Variants in ZKSCAN7 observed in about 807,000 individuals in gnomAD.
The protein encoded by ZKSCAN7 is zinc finger with KRAB and SCAN domains 7.
ZKSCAN7 carries 38 observed loss-of-function variants against 65.3 expected under a neutral mutation model. That is an observed-to-expected ratio of 0.58 (90% CI 0.45 to 0.76). The LOEUF (loss-of-function observed/expected upper bound fraction) is 0.76, where lower values mean the gene tolerates loss of function less well. Among genes scored for constraint, ZKSCAN7 ranks in the 30% least tolerant of loss-of-function variants. ZKSCAN7 has a pLI of 0.00. For missense variants in ZKSCAN7, 815 were observed against 913.3 expected (o/e 0.89, Z 1.39); for synonymous variants, 321 against 321.0 (o/e 1.00, Z 0.00).
Position 44,563,149 on chromosome 3 carries a change from C to T in ZKSCAN7, c.424-2338C>T, listed in dbSNP as rs147520374. Among the ~76,000 whole-genome samples, 234 of 152,180 alleles carry T rather than the reference C, an allele frequency of 1.5e-3. 2 individuals carry two copies. Among genetic ancestry groups the T allele is most frequent in the African/African-American group, 5.4e-3 (225 of 41,530 alleles). On this transcript the variant is annotated intron_variant, in intron 2 of 5. Transcript: ENST00000426540. ...TATGTTTTTCATCTCCATCTGAGAC[C>T]ACCTCAGCCTGGATTTCATTATCCA... is the stretch of plus-strand genomic sequence containing the variant.
chr3:44,575,077 G>A (rs541451787), downstream of ZKSCAN7, among the ~76,000 whole-genome samples: 56 of 152,320 alleles, frequency 3.7e-4, no homozygotes, highest in South Asian at 1.0e-3. Context: ...AGGATCACTT[G>A]AGGTCAGGAG....
At position 44,570,971 on chromosome 3, in the gene ZKSCAN7, T is replaced by G. The variant is rs544033067; in HGVS notation, c.1861T>G (p.Cys621Gly). 1.2e-6 allele frequency: 2 copies of G among 1,614,110 alleles called. No individual in the cohort carries two copies. Among genetic ancestry groups the G allele is most frequent in the South Asian group, 2.2e-5 (2 of 91,082 alleles). ...TGGTAAGGCATTTGGTCTGAGTAAATGTCTTATTCGGCACCAGAGACTTCA... is the reference window on the plus strand; with the variant it reads ...TGGTAAGGCATTTGGTCTGAGTAAAGGTCTTATTCGGCACCAGAGACTTCA... Reference protein sequence around the residue: ...ECGKAFGLSKCLIRHQRLHTG... With the variant: ...ECGKAFGLSKGLIRHQRLHTG... The change falls in exon 6 of 6, where the codon TGT (cysteine) becomes GGT (glycine). Residue 621 changes from cysteine to glycine, a missense_variant. Around this residue, in one of 3 missense-constraint regions of ZKSCAN7, gnomAD observed 578 missense variants for 629.5 expected, o/e 0.92. Transcript: ENST00000426540.
intron 5 of ZKSCAN7, chr3:44,580,246 C>T (rs1348645790): frequency 1.9e-6 from 3 of 1,612,596 alleles, no homozygotes; most frequent in Non-Finnish European, 1.7e-6. Context: ...TAGCTGCTCT[C>T]CCCCCGGACT....
intron 2 of ZKSCAN7, among the ~76,000 whole-genome samples, chr3:44,562,479 T>C (rs558032138): frequency 1.5e-4 from 23 of 152,262 alleles, no homozygotes; most frequent in South Asian, 4.1e-4. Flanking sequence ...TCTTTACTTA[T>C]TCAAATTTCT....
At position 44,571,682 on chromosome 3, in the gene ZKSCAN7, A is replaced by G. The variant is rs1469363749; in HGVS notation, c.*307A>G. 8.4e-7 allele frequency: 1 copy of G among 1,194,348 alleles called. No individual in the cohort carries two copies. Among genetic ancestry groups the G allele is most frequent in the African/African-American group, 1.6e-5 (1 of 63,828 alleles). The allele number at this position is 1,194,348 out of a possible 1,614,324, so 74.0% of individuals were successfully genotyped here. On this transcript the variant is annotated 3_prime_UTR_variant, in exon 6 of 6. Coordinates refer to ENST00000426540, the MANE Select transcript of ZKSCAN7 (RefSeq NM_001288590.2). ...CTCATAATCAGACTCCATGCTTTTT[A>G]AAGACAGAGATAATATCTTCTCTAT...
rs1357978650 is a variant in ZKSCAN7, at chr3:44,565,633, C to T, written c.570C>T (p.His190=). 1 of 1,604,810 alleles carries T rather than the reference C, an allele frequency of 6.2e-7. No individual in the cohort carries two copies. The highest frequency in any genetic ancestry group is 1.7e-5 in the Admixed American group (1 of 57,922). The stretch of plus-strand genomic sequence containing the variant: ...AGCCTCCTTATGACCCAGGGACACA[C>T]CACCTCCCCAGTGGGGACTTCGGTA... The part of the protein sequence containing the change: ...HLEPPYDPGT[H]HLPSGDFAQC... Residue 190 remains histidine (H), a synonymous_variant, in exon 3 of 6, where the codon CAC becomes CAT. Transcript: ENST00000426540.
At position 44,571,005 on chromosome 3, in the gene ZKSCAN7, A is replaced by C; in HGVS notation, c.1895A>C (p.Glu632Ala). The C allele has an allele frequency of 6.2e-7, 1 of 1,614,230 alleles. No homozygotes were observed. The highest frequency in any genetic ancestry group is 8.5e-7 in the Non-Finnish European group (1 of 1,180,040). The change falls in exon 6 of 6, where the codon GAA becomes GCA. Residue 632 changes from glutamate (E) to alanine (A), a missense_variant. Physicochemically the swap from Glu to Ala is moderately radical, Grantham distance 107. Transcript: ENST00000426540. ...CGGCACCAGAGACTTCACACGGGTGAAAAGCCCTATAAATGCAATGAGTGT... is the reference window on the plus strand; with the variant it reads ...CGGCACCAGAGACTTCACACGGGTGCAAAGCCCTATAAATGCAATGAGTGT... ...LIRHQRLHTG[E>A]KPYKCNECGK... is the part of the protein sequence containing the mutation.
chr3:44,557,284 C>T lies in ZKSCAN7; in HGVS notation c.237C>T (p.Cys79=). The T allele has an allele frequency of 6.2e-7, 1 of 1,614,274 alleles. No homozygotes were observed. The highest frequency in any genetic ancestry group is 8.5e-7 in the Non-Finnish European group (1 of 1,180,046). The part of the protein sequence containing the change: ...QEALSRLREL[C]RWWLMPEVHT... ...CATTGAGCCGGCTTCGGGAGCTCTG[C>T]CGCTGGTGGCTCATGCCAGAGGTGC... The change falls in exon 2 of 6, where the codon TGC becomes TGT. Residue 79 remains cysteine (C), a synonymous_variant. Transcript: ENST00000426540.
intron 4 of ZKSCAN7, 93 bp from the exon 5 acceptor site, chr3:44,568,214 A>C: frequency 3.2e-6 from 5 of 1,559,058 alleles, no homozygotes; most frequent in Non-Finnish European, 4.3e-6. Context: ...ACTTTTGCCC[A>C]TGAAGAGCCC....
rs1456168437 is a variant in ZKSCAN7 at position 44,572,146 on chromosome 3, T to C, written c.*771T>C. ...ACATACCAGTTGTTAAATAAATAAT[T>C]TTTAAAATCTCAGCTCTCACATTGA... On this transcript the variant is annotated 3_prime_UTR_variant, in exon 6 of 6. Coordinates refer to ENST00000426540, the MANE Select transcript of ZKSCAN7 (RefSeq NM_001288590.2). The C allele has an allele frequency of 1.0e-6, 1 of 985,284 alleles. No homozygotes were observed. The highest frequency in any genetic ancestry group is 1.2e-6 in the Non-Finnish European group (1 of 829,910). 61.0% of individuals were successfully genotyped at this position (985,284 alleles called of 1,614,324 possible).
chr3:44,570,742 C>T lies in ZKSCAN7; in HGVS notation c.1632C>T (p.Ile544=), dbSNP rs748871190. Reference sequence around the variant, plus strand: ...GAAATCTCATTGACCATCAGAGAATCCACACTGGGGAGAAGCCTTATGAGT... The same window carrying T: ...GAAATCTCATTGACCATCAGAGAATTCACACTGGGGAGAAGCCTTATGAGT... The part of the protein sequence containing the change: ...SNRNLIDHQR[I]HTGEKPYECS... The change falls in exon 6 of 6, where the codon ATC becomes ATT. Residue 544 remains isoleucine, a synonymous_variant. Transcript: ENST00000426540. The T allele has an allele frequency of 2.0e-5, 32 of 1,614,016 alleles. No homozygotes were observed. The African/African-American group carries it at 4.0e-4, about 20-fold the overall frequency.
intron 2 of ZKSCAN7, chr3:44,557,715 C>T (rs769548103): frequency 1.1e-5 from 6 of 559,626 alleles, no homozygotes; most frequent in East Asian, 3.3e-5. Flanking sequence ...CCTGGAGATT[C>T]GCATGGTACT....
rs191826010 is a variant in ZKSCAN7 at position 44,580,833 on chromosome 3, C to T, written c.812-2139C>T. The T allele has an allele frequency of 1.4e-4, 226 of 1,613,372 alleles. 1 individual carries two copies. In the African/African-American group the frequency reaches 2.2e-3, roughly 16 times the overall value. ...GAACTGTCGCTGCCATTTCGGAGAC[C>T]GGTGCACTGAGTTGTCAAAGTCGGT... On this transcript the variant is annotated intron_variant, in intron 5 of 5. Transcript: ENST00000341840.
Position 44,557,091 on chromosome 3 carries a change from G to A in ZKSCAN7, c.44G>A (p.Ser15Asn). The change falls in exon 2 of 6, where the codon AGC (serine) becomes AAC (asparagine). Residue 15 changes from serine to asparagine, a missense_variant. Ser to Asn is a conservative substitution (Grantham distance 46). Coordinates refer to ENST00000426540, the MANE Select transcript of ZKSCAN7 (RefSeq NM_001288590.2). The part of the protein sequence containing the change: ...GRGNLGLIPR[S>N]TAFQKQEGRL... Reference sequence around the variant, plus strand: ...GGAAATTTAGGCCTCATCCCCAGGAGCACTGCTTTCCAGAAGCAAGAGGGG... The same window carrying A: ...GGAAATTTAGGCCTCATCCCCAGGAACACTGCTTTCCAGAAGCAAGAGGGG... 1.2e-6 allele frequency: 2 copies of A among 1,614,256 alleles called. No individual in the cohort carries two copies.
In ZKSCAN7 at chr3:44,571,432, C is replaced by G. The variant is rs1479848076; in HGVS notation, c.*57C>G. On this transcript the variant is annotated 3_prime_UTR_variant, in exon 6 of 6. Coordinates refer to ENST00000426540, the MANE Select transcript of ZKSCAN7 (RefSeq NM_001288590.2). ...CTTTGAGTTAAGCTGTCTTTATAAG[C>G]AGGATGCTCATAGTGGTTTCCCGGA... 24 of 1,604,744 alleles carry G rather than the reference C, an allele frequency of 1.5e-5. No homozygotes were observed. Among genetic ancestry groups the G allele is most frequent in the Non-Finnish European group, 2.0e-5 (24 of 1,179,916 alleles).
At chr3:44,568,482 T>C (rs773008310) in intron 5 of ZKSCAN7, 49 bp downstream of exon 5, 7 of 1,582,948 alleles carry the variant, frequency 4.4e-6, no homozygotes, top group East Asian at 2.2e-5. Flanking sequence ...CTGCACAATC[T>C]CTTTTCTATA....
In ZKSCAN7 at chr3:44,570,263, T is replaced by A; in HGVS notation, c.1153T>A (p.Cys385Ser). 1.2e-6 allele frequency: 2 copies of A among 1,614,234 alleles called. No homozygotes were observed. Among genetic ancestry groups the A allele is most frequent in the Non-Finnish European group, 1.7e-6 (2 of 1,180,044 alleles). The change falls in exon 6 of 6, where the codon TGT becomes AGT. Residue 385 changes from cysteine (C) to serine (S), a missense_variant. By Grantham distance (112) the Cys-to-Ser change is moderately radical. Around this residue, in one of 3 missense-constraint regions of ZKSCAN7, gnomAD observed 578 missense variants for 629.5 expected, o/e 0.92. Transcript: ENST00000426540. ...TTTAAAGGGACAGAAATCCTATCGA[T>A]GTGATGAATGTGGCAAAGCTTTCAA... Reference protein sequence around the residue: ...GVLKGQKSYRCDECGKAFNRS... With the variant: ...GVLKGQKSYRSDECGKAFNRS...
At chr3:44,581,267 C>T (rs1700080225) in intron 5 of ZKSCAN7, among the ~76,000 whole-genome samples, 1 of 148,946 alleles carries the variant, frequency 6.7e-6, no homozygotes. Flanking sequence ...GGCCCAAGGA[C>T]GCGGCCTCGG....
intron 5 of ZKSCAN7, among the ~76,000 whole-genome samples, chr3:44,579,029 C>T (rs769363719): frequency 1.3e-5 from 2 of 152,184 alleles, no homozygotes; most frequent in African/African-American, 4.8e-5. Flanking sequence ...TGTGGAGAGC[C>T]GGTCACCCCC....
Sources: gnomAD v4.1 joint callset for allele counts (sites outside exome capture counted in the v4.1 genomes callset) on GRCh38, gnomAD v4.1.1 for gene constraint, gnomAD v4.1.1 regional missense constraint, MANE v1.5 for transcripts, NCBI Gene and HGNC (gene_info 2026-07-23, HGNC 2026-07-21) for gene names.